Variants in DOCK3 observed in about 807,000 individuals in gnomAD.
DOCK3 encodes dedicator of cytokinesis 3.
A neutral mutation model predicts 265.6 loss-of-function variants in DOCK3; 60 were observed. That is an observed-to-expected ratio of 0.23 (90% CI 0.18 to 0.28). The LOEUF (loss-of-function observed/expected upper bound fraction) is 0.28, where lower values mean the gene tolerates loss of function less well. DOCK3 is among the 10% of genes least tolerant of loss of function. DOCK3 has a pLI of 1.00. For missense variants in DOCK3, 1,981 were observed against 2,594.3 expected (o/e 0.76, Z 5.14); for synonymous variants, 881 against 938.0 (o/e 0.94, Z 1.11).
chr3:50,948,542 C>T (rs1056889391), intron 5 of DOCK3, among the ~76,000 whole-genome samples: 6 of 151,462 alleles, frequency 4.0e-5, no homozygotes, highest in Admixed American at 2.0e-4. Flanking sequence ...TAGCTGGGAC[C>T]GCCAAACCCG....
At chr3:51,362,294 G>C (rs2110355237) in intron 48 of DOCK3, among the ~76,000 whole-genome samples, 1 of 152,272 alleles carries the variant, frequency 6.6e-6, no homozygotes, top group Admixed American at 6.5e-5. Context: ...TGTTGGCTTA[G>C]CCCTGCTTCC....
At chr3:51,217,977 G>C (rs566810182) in intron 14 of DOCK3, among the ~76,000 whole-genome samples, 2 of 151,806 alleles carry the variant, frequency 1.3e-5, no homozygotes, top group South Asian at 2.1e-4. Flanking sequence ...AATTAGCCGG[G>C]GGTCGTGGTG....
intron 22 of DOCK3, among the ~76,000 whole-genome samples, chr3:51,248,809 C>T (rs2078978341): frequency 1.3e-5 from 2 of 149,048 alleles, no homozygotes; most frequent in African/African-American, 2.5e-5. Flanking sequence ...CCCGGCCGCC[C>T]ATCGTCTGGG....
chr3:51,371,428 T>C (rs533540899), intron 49 of DOCK3, among the ~76,000 whole-genome samples: 2 of 152,324 alleles, frequency 1.3e-5, no homozygotes, highest in African/African-American at 4.8e-5. Context: ...TGCAGGCTCA[T>C]CTGGAGAAAG....
chr3:51,080,838 G>A (rs925293238), intron 7 of DOCK3, among the ~76,000 whole-genome samples: 1 of 151,678 alleles, frequency 6.6e-6, no homozygotes, highest in African/African-American at 2.4e-5. Context: ...TTTTAGTCTA[G>A]TAACCTTCCA....
At chr3:50,690,561 C>G (rs998648569) in intron 1 of DOCK3, among the ~76,000 whole-genome samples, 2 of 152,164 alleles carry the variant, frequency 1.3e-5, no homozygotes, top group Non-Finnish European at 2.9e-5. Flanking sequence ...AATGAAAACT[C>G]TTTATTCCCC....
chr3:51,319,772 G>A (rs1308668746), intron 32 of DOCK3, among the ~76,000 whole-genome samples: 1 of 151,960 alleles, frequency 6.6e-6, no homozygotes, highest in African/African-American at 2.4e-5. Flanking sequence ...GGCTGAGGCA[G>A]GATAATCGCT....
At chr3:50,967,324 C>T (rs937496850) in intron 5 of DOCK3, among the ~76,000 whole-genome samples, 18 of 152,318 alleles carry the variant, frequency 1.2e-4, no homozygotes, top group Admixed American at 1.2e-3. Context: ...CTAGATCCAA[C>T]CATGTTGCAC....
chr3:50,973,652 C>G (rs2077330441), intron 5 of DOCK3, among the ~76,000 whole-genome samples: 2 of 135,092 alleles, frequency 1.5e-5, no homozygotes, highest in Admixed American at 7.8e-5. Flanking sequence ...GGGTATATAC[C>G]CAGTAATGGG....
Position 51,108,308 on chromosome 3 carries a change from G to A in DOCK3, c.746+17924G>A, listed in dbSNP as rs377416653. Reference sequence around the variant, plus strand: ...CCAAACTAAGCTTCATAAGCAAAGGGGAAAGAAGATCCTTGTCAGGCAAGC... The same window carrying A: ...CCAAACTAAGCTTCATAAGCAAAGGAGAAAGAAGATCCTTGTCAGGCAAGC... On this transcript the variant is annotated intron_variant, in intron 9 of 52. Transcript: ENST00000266037. Among the ~76,000 whole-genome samples the A allele has an allele frequency of 4.6e-5, 7 of 152,060 alleles. No homozygotes were observed. In the East Asian group the frequency reaches 5.8e-4, roughly 13 times the overall value.
chr3:51,092,317 C>T (rs1010558439), intron 9 of DOCK3, among the ~76,000 whole-genome samples: 3 of 152,122 alleles, frequency 2.0e-5, no homozygotes, highest in African/African-American at 7.2e-5. Context: ...CTGGGATGCT[C>T]GAGCTTGGTT....
intron 1 of DOCK3, among the ~76,000 whole-genome samples, chr3:50,741,552 A>G (rs1214564037): frequency 6.6e-6 from 1 of 150,590 alleles, no homozygotes; most frequent in East Asian, 2.0e-4. Context: ...GCGATAGTTT[A>G]CTGAGAATGA....
intron 27 of DOCK3, among the ~76,000 whole-genome samples, chr3:51,280,833 T>A (rs916396110): frequency 7.2e-5 from 11 of 152,148 alleles, no homozygotes; most frequent in African/African-American, 2.2e-4. Flanking sequence ...ATAATTTTTT[T>A]AAAAAATACA....
At chr3:50,895,043 ACTT>A (rs1022910698) in intron 4 of DOCK3, among the ~76,000 whole-genome samples, 15 of 152,076 alleles carry the variant, frequency 9.9e-5, no homozygotes, top group Admixed American at 5.9e-4. Flanking sequence ...AATTTCTACC[ACTT>A]CTTCTTCAAT....
intron 27 of DOCK3, among the ~76,000 whole-genome samples, chr3:51,303,850 G>T (rs2109375350): frequency 6.6e-6 from 1 of 152,162 alleles, no homozygotes; most frequent in African/African-American, 2.4e-5. Context: ...TCCTATATAA[G>T]GTGTCTGGCA....
chr3:50,989,875 CA>C (rs2078043742), intron 5 of DOCK3, among the ~76,000 whole-genome samples: 1 of 151,978 alleles, frequency 6.6e-6, no homozygotes, highest in African/African-American at 2.4e-5. Context: ...AGGAGGATGG[CA>C]AAACCCAATC....
chr3:50,953,147 A>G (rs572971144), intron 5 of DOCK3, among the ~76,000 whole-genome samples: 40 of 152,184 alleles, frequency 2.6e-4, no homozygotes, highest in African/African-American at 9.1e-4. Context: ...TAGAATAAAC[A>G]CTCTTTTGAA....
At chr3:50,688,537 G>A (rs996249754) in intron 1 of DOCK3, among the ~76,000 whole-genome samples, 4 of 152,024 alleles carry the variant, frequency 2.6e-5, no homozygotes, top group East Asian at 1.9e-4. Context: ...ATCTCGGCTC[G>A]CTGCAACCTC....
chr3:51,206,613 A>G (rs923387011), intron 12 of DOCK3, among the ~76,000 whole-genome samples: 7 of 152,122 alleles, frequency 4.6e-5, no homozygotes, highest in African/African-American at 1.7e-4. Flanking sequence ...ACCATTAATA[A>G]AGTAGAGTCT....
Sources: gnomAD v4.1 joint callset for allele counts (sites outside exome capture counted in the v4.1 genomes callset) on GRCh38, gnomAD v4.1.1 for gene constraint, MANE v1.5 for transcripts, NCBI Gene and HGNC (gene_info 2026-07-23, HGNC 2026-07-21) for gene names.